Variants in SYNE2 observed in about 807,000 individuals in gnomAD.
SYNE2 encodes the protein nesprin-2.
SYNE2 carries 431 observed loss-of-function variants against 856.3 expected under a neutral mutation model. That is an observed-to-expected ratio of 0.50 (90% CI 0.47 to 0.55). The LOEUF is 0.55. SYNE2 is among the 20% of genes least tolerant of loss of function. SYNE2 has a pLI of 0.00. For synonymous variants in SYNE2, 2,923 were observed against 2,872.3 expected (o/e 1.02, Z -0.56); for missense variants, 8,129 against 8,023.2 (o/e 1.01, Z -0.50).
chr14:64,102,828 G>C (rs1228706657), intron 64 of SYNE2, among the ~76,000 whole-genome samples: 3 of 151,918 alleles, frequency 2.0e-5, no homozygotes, highest in Non-Finnish European at 4.4e-5. Context: ...AACAGCCCTG[G>C]TAACCACCAT....
At chr14:63,763,676 C>T (rs563546785) in intron 1 of SYNE2, among the ~76,000 whole-genome samples, 19 of 152,152 alleles carry the variant, frequency 1.2e-4, no homozygotes, top group Admixed American at 1.2e-3. Flanking sequence ...ATAGCAAGAC[C>T]TAAAAAAAGA....
At chr14:64,130,833 T>C (rs1232449928) in intron 76 of SYNE2, among the ~76,000 whole-genome samples, 1 of 148,258 alleles carries the variant, frequency 6.7e-6, no homozygotes, top group Non-Finnish European at 1.5e-5. Context: ...TGCAGTAAGC[T>C]GAGATCACGC....
intron 46 of SYNE2, 146 bp downstream of exon 46, chr14:64,048,301 T>C: frequency 1.5e-6 from 1 of 668,256 alleles, no homozygotes; most frequent in Non-Finnish European, 2.5e-6. Context: ...ACTGTATAAT[T>C]ATGTACTAAG....
chr14:64,161,312 C>G (rs894526284), intron 87 of SYNE2, among the ~76,000 whole-genome samples: 3 of 151,472 alleles, frequency 2.0e-5, no homozygotes, highest in African/African-American at 7.3e-5. Context: ...CCACTGCACT[C>G]CAGCCTGGGC....
At chr14:64,158,022 A>G (rs1415017194) in intron 85 of SYNE2, among the ~76,000 whole-genome samples, 1 of 152,230 alleles carries the variant, frequency 6.6e-6, no homozygotes, top group African/African-American at 2.4e-5. Flanking sequence ...GACTTTTTTC[A>G]TCATTATCAG....
chr14:63,799,222 G>A (rs1888038568), intron 1 of SYNE2, among the ~76,000 whole-genome samples: 1 of 152,098 alleles, frequency 6.6e-6, no homozygotes, highest in Admixed American at 6.5e-5. Flanking sequence ...GGGATTACAG[G>A]CATGCACCAC....
chr14:64,184,329 G>GGGGTGTGT (rs1555532246), intron 96 of SYNE2, among the ~76,000 whole-genome samples: 46 of 144,256 alleles, frequency 3.2e-4, no homozygotes, highest in Middle Eastern at 3.5e-3. Context: ...TATGCATAGG[G>GGGGTGTGT]GTGTGTGTGT....
Position 64,170,355 on chromosome 14 carries a change from G to A in SYNE2, c.17128G>A (p.Glu5710Lys). The change falls in exon 94 of 116, where the codon GAG (glutamate) becomes AAG (lysine). Residue 5710 changes from glutamate to lysine, a missense_variant. Glu to Lys is a moderately conservative substitution (Grantham distance 56, BLOSUM62 1). Transcript: ENST00000555002. ...RQWQDFTTSV[E>K]NLFRFLTDTS... ...GTGGCAAGATTTCACTACTTCTGTG[G>A]AGAACTTGTTTCGCTTCCTCACTGA... 6.2e-7 allele frequency: 1 copy of A among 1,614,148 alleles called. No homozygotes were observed. Among genetic ancestry groups the A allele is most frequent in the Non-Finnish European group, 8.5e-7 (1 of 1,180,012 alleles).
chr14:63,997,444 G>C, intron 25 of SYNE2, 53 bp downstream of exon 25: 1 of 1,373,926 alleles, frequency 7.3e-7, no homozygotes, highest in South Asian at 1.2e-5. Context: ...AAAAGACCAA[G>C]TGTACAATAA....
At chr14:64,138,702 GT>G (rs1271318342) in intron 79 of SYNE2, among the ~76,000 whole-genome samples, 2 of 152,172 alleles carry the variant, frequency 1.3e-5, no homozygotes, top group East Asian at 3.8e-4. Context: ...AGAATTTGTT[GT>G]GCTTAGTTGG....
chr14:64,134,914 G>A (rs1186138830), intron 78 of SYNE2, among the ~76,000 whole-genome samples: 7 of 152,172 alleles, frequency 4.6e-5, no homozygotes, highest in African/African-American at 1.4e-4. Context: ...TTAAACCTGG[G>A]AGGTGGAGGT....
rs779338633 is a variant in SYNE2 at position 63,986,473 on chromosome 14, A to G, written c.2169A>G (p.Glu723=). Residue 723 remains glutamate (E), a synonymous_variant, in exon 19 of 116, where the codon GAA becomes GAG. Coordinates refer to ENST00000555002, the MANE Select transcript of SYNE2 (RefSeq NM_182914.3). ...TGTTGTAGGCTGGAGAGAAACATGAAAAAGAAAATGAAGAATTCACAGGGC... is the reference window on the plus strand; with the variant it reads ...TGTTGTAGGCTGGAGAGAAACATGAGAAAGAAAATGAAGAATTCACAGGGC... The part of the protein sequence containing the change: ...NQNIKAGEKH[E]KENEEFTGQL... The G allele has an allele frequency of 8.1e-6, 13 of 1,614,014 alleles. No individual in the cohort carries two copies. The African/African-American group carries it at 1.5e-4, about 18-fold the overall frequency.
intron 1 of SYNE2, among the ~76,000 whole-genome samples, chr14:63,816,751 A>G (rs1001411096): frequency 1.2e-4 from 18 of 152,004 alleles, no homozygotes; most frequent in Admixed American, 6.6e-5. Flanking sequence ...AGATCTTGCT[A>G]TATCACTCAG....
At chr14:64,128,055 A>T (rs535181961) in intron 73 of SYNE2, among the ~76,000 whole-genome samples, 2 of 152,320 alleles carry the variant, frequency 1.3e-5, no homozygotes, top group African/African-American at 4.8e-5. Context: ...GCAATTAGGG[A>T]TATGTGAATT....
At chr14:64,091,910 T>C (rs767775429) in intron 60 of SYNE2, among the ~76,000 whole-genome samples, 8 of 152,116 alleles carry the variant, frequency 5.3e-5, no homozygotes, top group Non-Finnish European at 1.2e-4. Flanking sequence ...AATGACTATA[T>C]GTTTTTCCCT....
intron 1 of SYNE2, among the ~76,000 whole-genome samples, chr14:63,815,573 C>T (rs1468249296): frequency 1.3e-5 from 2 of 151,990 alleles, no homozygotes; most frequent in Non-Finnish European, 2.9e-5. Context: ...TTTGGTAACA[C>T]CCTCATAGAC....
rs75015022 is a variant in SYNE2 at position 63,917,029 on chromosome 14, C to T, written c.79+7802C>T. ...CTCTTGAGCCCAAGAGTTGAGCCTG[C>T]AGTAAGCTATGATCGTACCACTGTG... is the stretch of plus-strand genomic sequence containing the variant. On this transcript the variant is annotated intron_variant, in intron 2 of 115. Transcript: ENST00000555002. Among the ~76,000 whole-genome samples the T allele has an allele frequency of 5.1e-3, 783 of 152,144 alleles. 3 individuals carry two copies. The highest frequency in any genetic ancestry group is 0.018 in the African/African-American group (744 of 41,508).
Position 64,225,040 on chromosome 14 carries a change from G to A in SYNE2, c.20511G>A (p.Glu6837=), listed in dbSNP as rs559718346. The change falls in exon 115 of 116, where the codon GAG becomes GAA. Residue 6837 remains glutamate (E), a synonymous_variant. Transcript: ENST00000555002. Reference sequence around the variant, plus strand: ...CTACAGAAGGCGAGGAGGAGACAGAGAGCAGGTAACGGGGCTTTACCGTGA... The same window carrying A: ...CTACAGAAGGCGAGGAGGAGACAGAAAGCAGGTAACGGGGCTTTACCGTGA... ...VRTTEGEEET[E]SRVPGSTRPQ... 4.5e-5 allele frequency: 72 copies of A among 1,613,976 alleles called. No homozygotes were observed. In the South Asian group the frequency reaches 7.0e-4, roughly 16 times the overall value.
intron 64 of SYNE2, among the ~76,000 whole-genome samples, 163 bp from the exon 65 acceptor site, chr14:64,107,328 G>A (rs1052916297): frequency 5.3e-5 from 8 of 152,178 alleles, no homozygotes; most frequent in Non-Finnish European, 1.0e-4. Context: ...TGGGGAAGCT[G>A]ATTTTTTCCC....
Sources: gnomAD v4.1 joint callset for allele counts (sites outside exome capture counted in the v4.1 genomes callset) on GRCh38, gnomAD v4.1.1 for gene constraint, MANE v1.5 for transcripts, NCBI Gene and HGNC (gene_info 2026-07-23, HGNC 2026-07-21) for gene names.